Variants in PIBF1 observed in about 807,000 individuals in gnomAD.
The protein encoded by PIBF1 is progesterone-induced-blocking factor 1.
A neutral mutation model predicts 112.5 loss-of-function variants in PIBF1; 90 were observed. The ratio of observed to expected loss-of-function variants is 0.80; its 90% CI spans 0.67 to 0.95. The LOEUF (loss-of-function observed/expected upper bound fraction) is 0.95, where lower values mean the gene tolerates loss of function less well. Among genes scored for constraint, PIBF1 ranks in the 40% least tolerant of loss-of-function variants. The pLI, the probability that PIBF1 is intolerant of heterozygous loss-of-function variation, is 0.00. For synonymous variants in PIBF1, 301 were observed against 288.6 expected, an observed-to-expected ratio of 1.04 and a Z score of -0.44; for missense variants, 915 against 852.3, an observed-to-expected ratio of 1.07 and a Z score of -0.92.
intron 17 of PIBF1, among the ~76,000 whole-genome samples, chr13:73,014,300 C>T (rs1452194099): frequency 6.6e-6 from 1 of 152,108 alleles, no homozygotes; most frequent in African/African-American, 2.4e-5. Flanking sequence ...TAGATAGAAG[C>T]AGAGAGAATA....
At chr13:72,860,352 T>TGA (rs1491486534) in intron 10 of PIBF1, among the ~76,000 whole-genome samples, 3 of 135,886 alleles carry the variant, frequency 2.2e-5, no homozygotes, top group Admixed American at 2.2e-4. Flanking sequence ...TGTGTGTGTG[T>TGA]GACAGTAGAG....
chr13:72,808,978 A>G (rs2035871396), intron 5 of PIBF1, among the ~76,000 whole-genome samples: 1 of 152,146 alleles, frequency 6.6e-6, no homozygotes, highest in African/African-American at 2.4e-5. Flanking sequence ...TAAGAAAACA[A>G]ATTTTCCATT....
intron 15 of PIBF1, among the ~76,000 whole-genome samples, chr13:72,966,854 AG>A (rs560086342): frequency 3.9e-5 from 6 of 152,132 alleles, no homozygotes; most frequent in African/African-American, 1.2e-4. Flanking sequence ...GGTTGCAGTG[AG>A]CTGAGATCAT....
rs1382746366 is a variant in PIBF1, at chr13:72,791,686, A to T, written c.253-761A>T. Among the ~76,000 whole-genome samples, 4 of 151,638 alleles carry T rather than the reference A, an allele frequency of 2.6e-5. No homozygotes were observed. In the East Asian group the frequency reaches 7.9e-4, roughly 30 times the overall value. On this transcript the variant is annotated intron_variant, in intron 2 of 17. Transcript: ENST00000326291. ...CTCGCTCTGTCTCCCAGGCTGGAGT[A>T]CAGTGGTGCAATCTTGGCTTACTGC...
At chr13:72,995,809 G>A (rs2043635770) in intron 16 of PIBF1, among the ~76,000 whole-genome samples, 1 of 151,928 alleles carries the variant, frequency 6.6e-6, no homozygotes. Flanking sequence ...AATTAGCTGA[G>A]CGTGGTTGTG....
intron 16 of PIBF1, chr13:72,973,962 C>T (rs942233617): frequency 2.5e-6 from 1 of 395,670 alleles, no homozygotes; most frequent in Non-Finnish European, 4.4e-6. Context: ...AGTTAATTTC[C>T]TTAGTGTGCC....
rs1181562078 is a variant in PIBF1 at position 72,980,806 on chromosome 13, C to CA, written c.2049+7143dup. On this transcript the variant is annotated intron_variant, in intron 16 of 17. Coordinates refer to ENST00000326291, the MANE Select transcript of PIBF1 (RefSeq NM_006346.4). ...GGTGACAGAGTCAGAGCCCTATCTC[C>CA]AAAAAAAAAAAAGAAAAAGAAAAAG... 2.3e-3 allele frequency among the ~76,000 whole-genome samples: 266 copies of CA among 114,382 alleles called. 1 individual carries two copies. Among genetic ancestry groups the CA allele is most frequent in the Middle Eastern group, 0.021 (4 of 192 alleles). The allele number at this position is 114,382 out of a possible 152,430, so 75.0% of individuals were successfully genotyped here. A position where few individuals can be genotyped will look rare whatever the true frequency, so the allele number is the denominator to read the frequency against.
intron 16 of PIBF1, among the ~76,000 whole-genome samples, chr13:72,989,542 A>G (rs746219234): frequency 2.0e-5 from 3 of 152,228 alleles, no homozygotes; most frequent in Non-Finnish European, 4.4e-5. Flanking sequence ...TTCTACAAGG[A>G]CAAAAAGTAG....
chr13:72,786,062 A>C (rs2034581870), intron 2 of PIBF1, among the ~76,000 whole-genome samples: 1 of 152,214 alleles, frequency 6.6e-6, no homozygotes, highest in Non-Finnish European at 1.5e-5. Context: ...TAAAATGATA[A>C]TAGTATTTAT....
intron 10 of PIBF1, among the ~76,000 whole-genome samples, chr13:72,858,648 A>G (rs2038553419): frequency 6.6e-6 from 1 of 152,214 alleles, no homozygotes; most frequent in African/African-American, 2.4e-5. Flanking sequence ...TTTGTACCTC[A>G]TAAATATGTA....
At chr13:72,866,807 G>T (rs772901720) in intron 10 of PIBF1, among the ~76,000 whole-genome samples, 7 of 151,754 alleles carry the variant, frequency 4.6e-5, no homozygotes. Flanking sequence ...TTTTATTTTC[G>T]TTCCTTATTT....
intron 10 of PIBF1, among the ~76,000 whole-genome samples, chr13:72,888,774 T>TAA (rs55817912): frequency 5.5e-5 from 8 of 145,810 alleles, no homozygotes; most frequent in Non-Finnish European, 7.5e-5. Flanking sequence ...GCCATTTGTT[T>TAA]AAAAAAAAAA....
At chr13:72,871,891 A>G (rs924848687) in intron 10 of PIBF1, among the ~76,000 whole-genome samples, 6 of 152,262 alleles carry the variant, frequency 3.9e-5, no homozygotes, top group Admixed American at 1.3e-4. Context: ...GCTTATTTTA[A>G]TAAAGCATTT....
intron 14 of PIBF1, among the ~76,000 whole-genome samples, chr13:72,940,985 T>C (rs918969091): frequency 6.6e-6 from 1 of 152,192 alleles, no homozygotes; most frequent in Non-Finnish European, 1.5e-5. Flanking sequence ...TTTTCTTCAG[T>C]AGTCTCCCAT....
At chr13:72,959,130 G>C (rs553637373) in intron 14 of PIBF1, among the ~76,000 whole-genome samples, 1 of 152,182 alleles carries the variant, frequency 6.6e-6, no homozygotes, top group East Asian at 1.9e-4. Flanking sequence ...CAAGAAGCTG[G>C]GATTACAGGC....
At chr13:72,874,166 T>C (rs1338623704) in intron 10 of PIBF1, among the ~76,000 whole-genome samples, 1 of 152,200 alleles carries the variant, frequency 6.6e-6, no homozygotes, top group East Asian at 1.9e-4. Flanking sequence ...ACAGTCACTT[T>C]GTGTGACTGT....
At chr13:72,855,836 A>G (rs2038399769) in intron 10 of PIBF1, among the ~76,000 whole-genome samples, 1 of 152,134 alleles carries the variant, frequency 6.6e-6, no homozygotes, top group Admixed American at 6.5e-5. Context: ...TGTTGATGTC[A>G]GTTTTTAATG....
chr13:72,940,661 A>G (rs963483248), intron 14 of PIBF1, among the ~76,000 whole-genome samples: 1 of 152,110 alleles, frequency 6.6e-6, no homozygotes, highest in Non-Finnish European at 1.5e-5. Flanking sequence ...GGTTTCTTGG[A>G]AACAGTTTGA....
chr13:72,900,487 A>G (rs2040443594), intron 11 of PIBF1, among the ~76,000 whole-genome samples: 1 of 152,144 alleles, frequency 6.6e-6, no homozygotes, highest in Non-Finnish European at 1.5e-5. Flanking sequence ...AGCAAACAAA[A>G]ACAAAGTGGG....
Sources: gnomAD v4.1 joint callset for allele counts (sites outside exome capture counted in the v4.1 genomes callset) on GRCh38, gnomAD v4.1.1 for gene constraint, MANE v1.5 for transcripts, NCBI Gene and HGNC (gene_info 2026-07-23, HGNC 2026-07-21) for gene names.